Variants in NXPE4 observed in about 807,000 individuals in gnomAD.
NXPE4 encodes the protein NXPE family member 4.
NXPE4 carries 42 observed loss-of-function variants against 33.3 expected under a neutral mutation model. The observed-to-expected ratio is 1.26, with a 90% CI of 0.98 to 1.63. NXPE4 has a LOEUF of 1.63. Among genes scored for constraint, NXPE4 ranks in the 40% most tolerant of loss-of-function variants. NXPE4 has a pLI of 0.00. For synonymous variants in NXPE4, 253 were observed against 234.9 expected (o/e 1.08, Z -0.71); for missense variants, 709 against 647.6 (o/e 1.09, Z -1.03).
At chr11:114,584,332 G>T in intron 2 of NXPE4, 1 of 479,540 alleles carries the variant, frequency 2.1e-6, no homozygotes, top group East Asian at 6.0e-5. Flanking sequence ...TGAGTACCTG[G>T]AGAAGATTAA....
At chr11:114,641,716 T>C in the NXPE4 span, among the ~76,000 whole-genome samples, 4 of 152,070 alleles carry the variant, frequency 2.6e-5, no homozygotes, top group African/African-American at 9.7e-5. Context: ...GAATAAAACC[T>C]AACTCTTAGA....
the NXPE4 span, among the ~76,000 whole-genome samples, chr11:114,656,425 A>C: frequency 6.6e-6 from 1 of 152,158 alleles, no homozygotes; most frequent in Non-Finnish European, 1.5e-5. Flanking sequence ...ATTAGAAAAA[A>C]CTATTTTGAA....
the NXPE4 span, among the ~76,000 whole-genome samples, chr11:114,606,209 G>A: frequency 5.9e-5 from 9 of 151,928 alleles, no homozygotes; most frequent in Admixed American, 1.3e-4. Context: ...TGGATAATAC[G>A]TATTGCCTCA....
chr11:114,579,612 G>C lies in NXPE4; in HGVS notation c.1099+520C>G, dbSNP rs979103937. On this transcript the variant is annotated intron_variant, in intron 5 of 5. Transcript: ENST00000375478. ...CTTACACCAAAGAGAAGTTATGTAA[G>C]AAACAATATTCTAAATGCACTGTAT... Among the ~76,000 whole-genome samples the C allele has an allele frequency of 3.9e-5, 6 of 152,158 alleles. No homozygotes were observed. The East Asian group carries it at 1.2e-3, about 29-fold the overall frequency.
At chr11:114,571,982 C>A (rs903593484) in intron 5 of NXPE4, among the ~76,000 whole-genome samples, 1 of 152,184 alleles carries the variant, frequency 6.6e-6, no homozygotes, top group Admixed American at 6.5e-5. Flanking sequence ...CAACCAAAGA[C>A]CCTCACAGAG....
At chr11:114,655,884 C>A in the NXPE4 span, among the ~76,000 whole-genome samples, 3 of 152,172 alleles carry the variant, frequency 2.0e-5, no homozygotes, top group Non-Finnish European at 2.9e-5. Flanking sequence ...AGGATGCCCT[C>A]TCTCATCACT....
At chr11:114,588,265 T>C (rs982919084) in intron 2 of NXPE4, among the ~76,000 whole-genome samples, 4 of 152,160 alleles carry the variant, frequency 2.6e-5, no homozygotes, top group Admixed American at 2.6e-4. Flanking sequence ...AGCTTCACTC[T>C]TATCCTTACA....
the NXPE4 span, among the ~76,000 whole-genome samples, chr11:114,633,695 A>G: frequency 1.3e-5 from 2 of 148,682 alleles, no homozygotes; most frequent in African/African-American, 2.5e-5. Flanking sequence ...ATTCCCACCT[A>G]TGAGTGAGAA....
chr11:114,666,722 C>T, the NXPE4 span, among the ~76,000 whole-genome samples: 1 of 152,040 alleles, frequency 6.6e-6, no homozygotes, highest in Non-Finnish European at 1.5e-5. Flanking sequence ...AAATTGCTGG[C>T]ATATGCATGT....
chr11:114,632,253 T>A, the NXPE4 span, among the ~76,000 whole-genome samples: 3 of 139,692 alleles, frequency 2.1e-5, no homozygotes, highest in Non-Finnish European at 3.1e-5. Context: ...TATGTGTATA[T>A]ATGTATAATA....
the NXPE4 span, among the ~76,000 whole-genome samples, chr11:114,601,731 TTA>T: frequency 1.4e-5 from 1 of 72,004 alleles, no homozygotes; most frequent in Non-Finnish European, 2.3e-5. Flanking sequence ...TAATTATATA[TTA>T]TATATAATTA....
chr11:114,647,383 AG>A, the NXPE4 span, among the ~76,000 whole-genome samples: 1 of 152,188 alleles, frequency 6.6e-6, no homozygotes, highest in African/African-American at 2.4e-5. Flanking sequence ...ATAAGATAGA[AG>A]GAGTTCTTCC....
chr11:114,585,121 T>C (rs992646773), intron 2 of NXPE4, among the ~76,000 whole-genome samples: 1 of 151,904 alleles, frequency 6.6e-6, no homozygotes, highest in Admixed American at 6.5e-5. Context: ...ATTGGTTCCA[T>C]TCTCATACCT....
At chr11:114,663,626 T>C in the NXPE4 span, among the ~76,000 whole-genome samples, 2 of 55,560 alleles carry the variant, frequency 3.6e-5, no homozygotes, top group Non-Finnish European at 8.5e-5. Context: ...TCTATCTATC[T>C]ATCTATCTAT....
chr11:114,649,856 C>T, the NXPE4 span, among the ~76,000 whole-genome samples: 5 of 152,142 alleles, frequency 3.3e-5, no homozygotes, highest in African/African-American at 1.2e-4. Flanking sequence ...TCTGACACTC[C>T]TTTCAGTTAC....
chr11:114,581,023 G>A (rs1251337209), intron 4 of NXPE4, among the ~76,000 whole-genome samples: 4 of 152,164 alleles, frequency 2.6e-5, no homozygotes, highest in African/African-American at 7.2e-5. Context: ...ACTCATGTAT[G>A]TGTGGTAAAA....
intron 2 of NXPE4, chr11:114,584,283 C>T (rs1949231427): frequency 3.9e-6 from 2 of 507,772 alleles, no homozygotes; most frequent in Non-Finnish European, 8.0e-6. Flanking sequence ...ATTTCAAGCC[C>T]TACATCAGTC....
chr11:114,648,738 C>T, the NXPE4 span, among the ~76,000 whole-genome samples: 1 of 152,112 alleles, frequency 6.6e-6, no homozygotes, highest in Non-Finnish European at 1.5e-5. Flanking sequence ...ATCCCGCATA[C>T]AACTAAAAAC....
chr11:114,664,811 TC>T, the NXPE4 span, among the ~76,000 whole-genome samples: 1 of 152,150 alleles, frequency 6.6e-6, no homozygotes, highest in Non-Finnish European at 1.5e-5. Flanking sequence ...GCAGAGAGCC[TC>T]AGCTCCCAGT....
Sources: gnomAD v4.1 joint callset for allele counts (sites outside exome capture counted in the v4.1 genomes callset) on GRCh38, gnomAD v4.1.1 for gene constraint, MANE v1.5 for transcripts, NCBI Gene and HGNC (gene_info 2026-07-23, HGNC 2026-07-21) for gene names.